DUX4: variants seen among roughly 807,000 people sequenced by gnomAD.
DUX4 encodes double homeobox protein 4.
At chr4:190,177,076 A>C, downstream of DUX4, among the ~76,000 whole-genome samples, 1 of 148,426 alleles carries the variant, frequency 6.7e-6, no homozygotes, top group African/African-American at 2.4e-5. Context: ...GAGTATAGAG[A>C]AGAGTCCCAT....
At chr4:190,178,341 A>AGACAAGAGT (rs1742418848), downstream of DUX4, among the ~76,000 whole-genome samples, 1 of 147,076 alleles carries the variant, frequency 6.8e-6, no homozygotes, top group Non-Finnish European at 1.5e-5. Context: ...CAGTGCAGAG[A>AGACAAGAGT]TATGTCACAA....
chr4:190,183,020 CTGGTTAGGGTTAG>C (rs1742619932), intron 1 of DUX4, among the ~76,000 whole-genome samples: 1 of 29,568 alleles, frequency 3.4e-5, no homozygotes, highest in African/African-American at 5.6e-5. Flanking sequence ...GTTAGGGTTA[CTGGTTAGGGTTAG>C]GGGTTAGGGT....
chr4:190,176,110 A>C (rs1190330282), downstream of DUX4, among the ~76,000 whole-genome samples: 1 of 112,932 alleles, frequency 8.9e-6, no homozygotes, highest in East Asian at 3.2e-4. Flanking sequence ...CTGTAGGCAG[A>C]GTGTAGGCAA....
intron 1 of DUX4, among the ~76,000 whole-genome samples, chr4:190,181,466 A>G (rs1742572288): frequency 2.1e-3 from 234 of 112,016 alleles, no homozygotes; most frequent in Middle Eastern, 4.9e-3. Context: ...CATCACCTAG[A>G]TGATCAGTGC....
intron 1 of DUX4, chr4:190,183,253 G>A (rs1742624623): frequency 9.3e-6 from 1 of 107,350 alleles, no homozygotes; most frequent in Admixed American, 1.2e-4. Context: ...AGACATGTTT[G>A]TCTTCAAAGA....
chr4:190,179,513 C>CTTTT (rs1742500470), downstream of DUX4, among the ~76,000 whole-genome samples: 1 of 27,140 alleles, frequency 3.7e-5, no homozygotes, highest in Non-Finnish European at 8.1e-5. Context: ...TGTCACAAGC[C>CTTTT]CCCTGTAGGC....
downstream of DUX4, among the ~76,000 whole-genome samples, chr4:190,179,442 AGC>A (rs1579835521): frequency 2.2e-4 from 30 of 135,498 alleles, no homozygotes; most frequent in South Asian, 1.4e-3. Context: ...TATGTCACAA[AGC>A]ACCCTGTAAG....
intron 1 of DUX4, among the ~76,000 whole-genome samples, chr4:190,181,858 C>G (rs1207166957): frequency 5.0e-5 from 4 of 80,794 alleles, no homozygotes; most frequent in African/African-American, 1.4e-4. Flanking sequence ...AGAGCCTAGA[C>G]AAAAGTTACA....
At chr4:190,182,008 T>G (rs1463367506) in intron 1 of DUX4, 1 of 112,516 alleles carries the variant, frequency 8.9e-6, no homozygotes, top group Non-Finnish European at 2.1e-5. Context: ...TTACATCACT[T>G]GGGTGATCAG....
downstream of DUX4, among the ~76,000 whole-genome samples, chr4:190,176,304 C>A (rs1267113414): frequency 1.7e-5 from 2 of 114,786 alleles, 1 homozygote; most frequent in Non-Finnish European, 4.1e-5. Flanking sequence ...TCACAATGCC[C>A]CTGTAGGCAG....
downstream of DUX4, among the ~76,000 whole-genome samples, chr4:190,179,315 A>AG (rs1742487057): frequency 6.7e-6 from 1 of 149,256 alleles, no homozygotes; most frequent in African/African-American, 2.4e-5. Context: ...ATGCCACTGT[A>AG]GGCAGAGCCT....
chr4:190,175,254 G>A lies in DUX4; in HGVS notation c.*206G>A. The A allele has an allele frequency of 3.2e-5, 5 of 156,854 alleles. No homozygotes were observed. Among genetic ancestry groups the A allele is most frequent in the African/African-American group, 5.4e-5 (2 of 37,280 alleles). 9.7% of individuals were successfully genotyped at this position (156,854 alleles called of 1,614,324 possible). On this transcript the variant is annotated 3_prime_UTR_variant, in exon 1 of 2. Coordinates refer to ENST00000565211, the MANE Select transcript of DUX4 (RefSeq NM_001306068.3). ...CTGCCTTTCTTTCCTGGGCATCCCGGGGATCCCAGAGCCGGCCCAGGTACC... is the reference window on the plus strand; with the variant it reads ...CTGCCTTTCTTTCCTGGGCATCCCGAGGATCCCAGAGCCGGCCCAGGTACC...
At chr4:190,177,880 A>G (rs1579833451), downstream of DUX4, among the ~76,000 whole-genome samples, 1 of 4,690 alleles carries the variant, frequency 2.1e-4, no homozygotes. Flanking sequence ...ATGTCCCTGT[A>G]GCCATATCCT....
At chr4:190,178,314 TGCACCACCTG>T (rs1742417593), downstream of DUX4, among the ~76,000 whole-genome samples, 1 of 135,870 alleles carries the variant, frequency 7.4e-6, no homozygotes. Flanking sequence ...AGAGAAGAGT[TGCACCACCTG>T]GGTGATCAGT....
downstream of DUX4, among the ~76,000 whole-genome samples, chr4:190,180,000 G>C (rs1579836381): frequency 6.6e-6 from 1 of 151,890 alleles, no homozygotes; most frequent in Non-Finnish European, 1.5e-5. Flanking sequence ...CCTTTAGGCA[G>C]AGCTTAAACT....
chr4:190,182,458 T>C (rs1363864537), intron 1 of DUX4, among the ~76,000 whole-genome samples: 42 of 13,940 alleles, frequency 3.0e-3, no homozygotes, highest in East Asian at 8.9e-3. Context: ...GGGTTATGGG[T>C]TACAGTTGGG....
intron 1 of DUX4, among the ~76,000 whole-genome samples, chr4:190,181,243 C>CAATGCCACAAGT (rs1742556543): frequency 6.2e-5 from 1 of 16,054 alleles, no homozygotes; most frequent in African/African-American, 2.2e-4. Context: ...AAATCCAAGA[C>CAATGCCACAAGT]AAGAGTCTGT....
chr4:190,182,368 GA>G (rs1742612984), intron 1 of DUX4, among the ~76,000 whole-genome samples: 19 of 77,764 alleles, frequency 2.4e-4, no homozygotes, highest in Non-Finnish European at 3.6e-4. Context: ...TTCAGGTTAA[GA>G]GTTAGGGTTA....
At chr4:190,179,400 G>GTT (rs1742490631), downstream of DUX4, among the ~76,000 whole-genome samples, 42 of 142,956 alleles carry the variant, frequency 2.9e-4, no homozygotes, top group Non-Finnish European at 3.6e-4. Context: ...GCCTTGACAA[G>GTT]TGGTACATCA....
Sources: gnomAD v4.1 joint callset for allele counts (sites outside exome capture counted in the v4.1 genomes callset) on GRCh38, gnomAD v4.1.1 for gene constraint, MANE v1.5 for transcripts, NCBI Gene and HGNC (gene_info 2026-07-23, HGNC 2026-07-21) for gene names.